Variants in C1GALT1 observed in about 807,000 individuals in gnomAD.
C1GALT1 encodes glycoprotein-N-acetylgalactosamine 3-beta-galactosyltransferase 1.
Under a neutral mutation model 31.0 loss-of-function variants are expected in C1GALT1, and 11 were observed. The ratio of observed to expected loss-of-function variants is 0.36; its 90% CI spans 0.22 to 0.59. The LOEUF (loss-of-function observed/expected upper bound fraction) is 0.59, where lower values mean the gene tolerates loss of function less well. C1GALT1 is among the 20% of genes least tolerant of loss of function. C1GALT1 has a pLI of 0.79. For missense variants in C1GALT1, 424 were observed against 425.2 expected (o/e 1.00, Z 0.03); for synonymous variants, 175 against 143.6 (o/e 1.22, Z -1.56).
chr7:7,234,677 A>G, intron 2 of C1GALT1, 138 bp downstream of exon 2: 1 of 632,032 alleles, frequency 1.6e-6, no homozygotes, highest in Middle Eastern at 4.0e-4. Context: ...CCTCAAGAGA[A>G]GGGAATTGCT....
intron 1 of C1GALT1, among the ~76,000 whole-genome samples, chr7:7,213,634 A>G (rs371334338): frequency 7.2e-5 from 11 of 152,158 alleles, no homozygotes; most frequent in African/African-American, 2.4e-4. Context: ...AAAATCTTTC[A>G]TTAGCCTTTA....
At chr7:7,227,093 G>C (rs995035424) in intron 1 of C1GALT1, among the ~76,000 whole-genome samples, 1 of 152,120 alleles carries the variant, frequency 6.6e-6, no homozygotes, top group Non-Finnish European at 1.5e-5. Flanking sequence ...GGATCCTTTA[G>C]AGGATGGGGG....
At chr7:7,209,322 T>C (rs1016375584) in intron 1 of C1GALT1, 2 of 152,270 alleles carry the variant, frequency 1.3e-5, no homozygotes, top group Admixed American at 6.5e-5. Context: ...CTGGTTTTTT[T>C]GGACAGCATT....
rs1468337356 is a variant in C1GALT1 at position 7,191,707 on chromosome 7, AT to A, written c.-18+8890del. The stretch of plus-strand genomic sequence containing the variant: ...AAGGTAGCATCTCATTGTAGTCTTG[AT>A]TTGTTTTGCTAATGATTAGAGATGT... On this transcript the variant is annotated intron_variant, in intron 1 of 3. Transcript: ENST00000436587. Among the ~76,000 whole-genome samples, 24 of 152,158 alleles carry A rather than the reference AT, an allele frequency of 1.6e-4. No homozygotes were observed. In the East Asian group the frequency reaches 1.9e-3, roughly 12 times the overall value.
rs1480528311 is a variant in C1GALT1, at chr7:7,205,944, T to C, written c.-18+23124T>C. 2.0e-5 allele frequency among the ~76,000 whole-genome samples: 3 copies of C among 152,206 alleles called. No homozygotes were observed. In the East Asian group the frequency reaches 5.8e-4, roughly 29 times the overall value. ...TCTGTCATTTTGCCATTTTTTTCTA[T>C]GTGCTTTGTAGCTATTTTGTCCTTA... is the stretch of plus-strand genomic sequence containing the variant. On this transcript the variant is annotated intron_variant, in intron 1 of 3. Transcript: ENST00000436587.
At chr7:7,208,893 C>T (rs1419520263) in intron 1 of C1GALT1, among the ~76,000 whole-genome samples, 1 of 152,190 alleles carries the variant, frequency 6.6e-6, no homozygotes, top group Admixed American at 6.5e-5. Context: ...AAATCAGCCA[C>T]AGTTTACCTT....
At chr7:7,206,291 A>G (rs1299422637) in intron 1 of C1GALT1, among the ~76,000 whole-genome samples, 2 of 152,026 alleles carry the variant, frequency 1.3e-5, no homozygotes, top group African/African-American at 2.4e-5. Context: ...TGTCACTGCA[A>G]TTTTTATTTT....
chr7:7,233,809 G>A (rs1008897), intron 1 of C1GALT1, among the ~76,000 whole-genome samples: 108,423 of 152,032 alleles, frequency 0.71, 39,291 homozygotes, highest in East Asian at 0.94. Context: ...GTTTTTTTAC[G>A]TTTATAAAGG....
upstream of C1GALT1, among the ~76,000 whole-genome samples, chr7:7,181,955 C>A (rs141741043): frequency 3.3e-4 from 50 of 152,254 alleles, no homozygotes; most frequent in African/African-American, 9.9e-4. Context: ...GAAGCTCTTC[C>A]GGCCATTGCC....
At chr7:7,235,927 C>T (rs910256488) in intron 2 of C1GALT1, among the ~76,000 whole-genome samples, 3 of 152,166 alleles carry the variant, frequency 2.0e-5, no homozygotes, top group Non-Finnish European at 4.4e-5. Flanking sequence ...AGTGCATTTC[C>T]GATTCAGGCC....
chr7:7,170,510 T>C (rs1266491761), intron 2 of C1GALT1, among the ~76,000 whole-genome samples: 3 of 152,218 alleles, frequency 2.0e-5, no homozygotes. Context: ...AGGCTGGGCA[T>C]AGTGGCTCAT....
intron 1 of C1GALT1, among the ~76,000 whole-genome samples, chr7:7,202,391 T>G (rs1781562746): frequency 6.6e-6 from 1 of 152,192 alleles, no homozygotes; most frequent in African/African-American, 2.4e-5. Flanking sequence ...CATTTTGAGT[T>G]AGTTTTCATA....
Position 7,243,726 on chromosome 7 carries a change from G to A in C1GALT1, c.1091G>A (p.Ter364=). ...ACAAAAGTGAAGTTAGGAAATCCTT[G>A]AAAGAAAATCATGAATGAACAAAGG... The part of the protein sequence containing the change: ...EDTKVKLGNP[*] Residue 364 remains the stop codon, a stop_retained_variant, in exon 4 of 4, where the codon TGA becomes TAA. Transcript: ENST00000436587. The A allele has an allele frequency of 6.3e-7, 1 of 1,591,752 alleles. No individual in the cohort carries two copies. The highest frequency in any genetic ancestry group is 2.2e-5 in the East Asian group (1 of 44,716).
At chr7:7,178,848 A>G (rs1047988091), upstream of C1GALT1, among the ~76,000 whole-genome samples, 1 of 152,196 alleles carries the variant, frequency 6.6e-6, no homozygotes, top group African/African-American at 2.4e-5. Context: ...AACTATCCCA[A>G]AACTTAGTGG....
At chr7:7,235,738 T>G (rs1783305956) in intron 2 of C1GALT1, among the ~76,000 whole-genome samples, 2 of 152,242 alleles carry the variant, frequency 1.3e-5, no homozygotes, top group Admixed American at 1.3e-4. Context: ...TTCCTACTCC[T>G]AGAAGTTGCT....
At chr7:7,224,539 A>G (rs1339826918) in intron 1 of C1GALT1, among the ~76,000 whole-genome samples, 1 of 152,142 alleles carries the variant, frequency 6.6e-6, no homozygotes, top group Non-Finnish European at 1.5e-5. Context: ...TGTTCAAATA[A>G]TCTATTTCAT....
At chr7:7,171,334 A>G (rs1198699641) in intron 2 of C1GALT1, among the ~76,000 whole-genome samples, 1 of 152,044 alleles carries the variant, frequency 6.6e-6, no homozygotes, top group Non-Finnish European at 1.5e-5. Context: ...TGATATATAT[A>G]TTTATCTATA....
intron 1 of C1GALT1, among the ~76,000 whole-genome samples, chr7:7,197,491 GT>G (rs894134353): frequency 6.6e-6 from 1 of 152,046 alleles, no homozygotes; most frequent in Non-Finnish European, 1.5e-5. Flanking sequence ...CTCCAGCTTT[GT>G]TTTTTTGGCT....
At chr7:7,201,580 C>T (rs1196368604) in intron 1 of C1GALT1, among the ~76,000 whole-genome samples, 1 of 152,168 alleles carries the variant, frequency 6.6e-6, no homozygotes, top group Non-Finnish European at 1.5e-5. Context: ...GCCTTTTGAT[C>T]ATACTGGTGA....
Sources: gnomAD v4.1 joint callset for allele counts (sites outside exome capture counted in the v4.1 genomes callset) on GRCh38, gnomAD v4.1.1 for gene constraint, MANE v1.5 for transcripts, NCBI Gene and HGNC (gene_info 2026-07-23, HGNC 2026-07-21) for gene names.